The following PRKCB variants were observed in gnomAD, a reference collection of about 807,000 sequenced individuals.
PRKCB encodes the protein protein kinase C beta, also known as protein kinase C beta type.
Under a neutral mutation model 81.5 loss-of-function variants are expected in PRKCB, and 13 were observed. The observed-to-expected ratio is 0.16, with a 90% CI of 0.10 to 0.25. PRKCB has a LOEUF of 0.25. PRKCB is among the 10% of genes least tolerant of loss of function. PRKCB has a pLI of 1.00. For synonymous variants in PRKCB, 335 were observed against 321.4 expected, an observed-to-expected ratio of 1.04 and a Z score of -0.45; for missense variants, 509 against 875.7, an observed-to-expected ratio of 0.58 and a Z score of 5.29.
At position 23,838,437 on chromosome 16, in the gene PRKCB, GT is replaced by G. The variant is rs144191962; in HGVS notation, c.205+1034del. Among the ~76,000 whole-genome samples the G allele has an allele frequency of 4.0e-3, 606 of 152,322 alleles. 1 individual carries two copies. The highest frequency in any genetic ancestry group is 0.014 in the African/African-American group (589 of 41,558). The stretch of plus-strand genomic sequence containing the variant: ...AAGTTTGCAACCTCTCATCTGGAAA[GT>G]TTGTGTGTTATGTTTTCTTTTTAAT... On this transcript the variant is annotated intron_variant, in intron 2 of 16. Transcript: ENST00000643927.
In PRKCB at chr16:24,217,583, G is replaced by T; in HGVS notation, c.*2767G>T. 2 of 985,386 alleles carry T rather than the reference G, an allele frequency of 2.0e-6. No homozygotes were observed. Among genetic ancestry groups the T allele is most frequent in the Non-Finnish European group, 2.4e-6 (2 of 829,952 alleles). 61.0% of individuals were successfully genotyped at this position (985,386 alleles called of 1,614,324 possible). A position where few individuals can be genotyped will look rare whatever the true frequency, so the allele number is the denominator to read the frequency against. ...CCAGGAGTATTTTCTCTGGGGATCT[G>T]CCCACAGGACAAAGTCCATAAAAGC... On this transcript the variant is annotated 3_prime_UTR_variant, in exon 17 of 17. Transcript: ENST00000643927.
At chr16:24,127,650 C>T (rs1217575217) in intron 9 of PRKCB, among the ~76,000 whole-genome samples, 1 of 151,582 alleles carries the variant, frequency 6.6e-6, no homozygotes, top group Non-Finnish European at 1.5e-5. Context: ...TGGGTGGAGT[C>T]GTAGGAGAAT....
In PRKCB at chr16:24,035,411, C is replaced by T; in HGVS notation, c.401-8C>T. The T allele has an allele frequency of 6.2e-7, 1 of 1,613,008 alleles. No individual in the cohort carries two copies. Among genetic ancestry groups the T allele is most frequent in the Middle Eastern group, 1.7e-4 (1 of 5,986 alleles). ...CCTAAGCCACATCCCCTCTCTCTGC[C>T]CTCACAGCCTGCATGATGAATGTGC... is the stretch of plus-strand genomic sequence containing the variant. On this transcript the variant is annotated splice_polypyrimidine_tract_variant and splice_region_variant and intron_variant, in intron 4 of 16. Coordinates refer to ENST00000643927, the MANE Select transcript of PRKCB (RefSeq NM_002738.7).
Position 23,837,517 on chromosome 16 carries a change from T to C in PRKCB, c.205+111T>C, listed in dbSNP as rs1025468568. On this transcript the variant is annotated intron_variant, in intron 2 of 16. Coordinates refer to ENST00000643927, the MANE Select transcript of PRKCB (RefSeq NM_002738.7). ...AGTGAAAGAATCACGTTGGTCGGAG[T>C]GACCTCCCAGGCTAGGAATTCTTCA... 7 of 1,355,704 alleles carry C rather than the reference T, an allele frequency of 5.2e-6. No homozygotes were observed. The African/African-American group carries it at 7.4e-5, about 14-fold the overall frequency. 84.0% of individuals were successfully genotyped at this position (1,355,704 alleles called of 1,614,324 possible). A position where few individuals can be genotyped will look rare whatever the true frequency, so the allele number is the denominator to read the frequency against.
chr16:24,218,859 T>G lies in PRKCB; in HGVS notation c.*4043T>G. On this transcript the variant is annotated 3_prime_UTR_variant, in exon 17 of 17. Coordinates refer to ENST00000643927, the MANE Select transcript of PRKCB (RefSeq NM_002738.7). ...TCTTGTAATAAAACAGCCATGGGGT[T>G]GTCCCTCCAGTCCGAGAGACTGTGA... 1.0e-6 allele frequency: 1 copy of G among 985,322 alleles called. No homozygotes were observed. The highest frequency in any genetic ancestry group is 6.1e-5 in the Admixed American group (1 of 16,266). 61.0% of individuals were successfully genotyped at this position (985,322 alleles called of 1,614,324 possible).
intron 2 of PRKCB, among the ~76,000 whole-genome samples, chr16:23,987,404 G>A (rs988551494): frequency 1.4e-5 from 2 of 139,866 alleles, no homozygotes; most frequent in Non-Finnish European, 3.1e-5. Context: ...GTTGGGGTGG[G>A]GGGGGGTGTG....
chr16:23,886,406 GTTTTTTTTT>G (rs398029038), intron 2 of PRKCB, among the ~76,000 whole-genome samples: 11,004 of 70,396 alleles, frequency 0.16, 602 homozygotes, highest in Middle Eastern at 0.29. Flanking sequence ...TGTGTTAGGT[GTTTTTTTTT>G]TTTTTTTTTT....
At chr16:23,886,927 A>C (rs1281413856) in intron 2 of PRKCB, among the ~76,000 whole-genome samples, 1 of 152,054 alleles carries the variant, frequency 6.6e-6, no homozygotes, top group African/African-American at 2.4e-5. Flanking sequence ...GCTTGGACTT[A>C]AGGAAAGGAA....
chr16:23,881,973 T>C (rs934799531), intron 2 of PRKCB, among the ~76,000 whole-genome samples: 2 of 20,338 alleles, frequency 9.8e-5, no homozygotes, highest in East Asian at 0.033. Flanking sequence ...TTCCTTTCTT[T>C]CTTTCTTTCT....
At chr16:23,912,069 T>C (rs1963666664) in intron 2 of PRKCB, among the ~76,000 whole-genome samples, 1 of 151,910 alleles carries the variant, frequency 6.6e-6, no homozygotes, top group African/African-American at 2.4e-5. Flanking sequence ...TGACCTCAGG[T>C]GATCCACCCA....
intron 2 of PRKCB, among the ~76,000 whole-genome samples, chr16:23,848,397 G>A (rs1318911258): frequency 1.3e-5 from 2 of 152,128 alleles, no homozygotes; most frequent in Admixed American, 6.5e-5. Context: ...GTGCCTTACC[G>A]GAGCACCTCG....
chr16:23,972,642 T>C (rs1385112511), intron 2 of PRKCB, among the ~76,000 whole-genome samples: 1 of 152,182 alleles, frequency 6.6e-6, no homozygotes, highest in South Asian at 2.1e-4. Context: ...GCATCTAGCA[T>C]GATGGTGAGA....
At chr16:24,025,073 G>A (rs1326692538) in intron 3 of PRKCB, among the ~76,000 whole-genome samples, 1 of 152,186 alleles carries the variant, frequency 6.6e-6, no homozygotes, top group African/African-American at 2.4e-5. Context: ...GAGCTCTCCA[G>A]CAGCCTCTAA....
intron 2 of PRKCB, among the ~76,000 whole-genome samples, chr16:23,879,109 C>T (rs1026710270): frequency 4.6e-5 from 7 of 151,634 alleles, no homozygotes; most frequent in African/African-American, 7.3e-5. Flanking sequence ...ACTTGGGACG[C>T]GGAGGTTGCA....
intron 5 of PRKCB, among the ~76,000 whole-genome samples, chr16:24,081,307 T>C (rs144582409): frequency 1.3e-5 from 2 of 151,334 alleles, no homozygotes; most frequent in Admixed American, 1.3e-4. Context: ...ATTAATAATC[T>C]AAAGAAAGAA....
intron 15 of PRKCB, among the ~76,000 whole-genome samples, chr16:24,190,815 C>T (rs1012134149): frequency 2.6e-5 from 4 of 152,072 alleles, no homozygotes; most frequent in African/African-American, 9.7e-5. Flanking sequence ...CTGTGCCTGG[C>T]CCTCATGTGG....
chr16:24,054,570 G>A (rs897124259), intron 5 of PRKCB, among the ~76,000 whole-genome samples: 6 of 152,182 alleles, frequency 3.9e-5, no homozygotes, highest in Admixed American at 3.3e-4. Flanking sequence ...GGGATACTGG[G>A]GAAACCTGTG....
At chr16:24,124,273 A>G (rs773432649) in intron 9 of PRKCB, among the ~76,000 whole-genome samples, 19 of 152,180 alleles carry the variant, frequency 1.2e-4, no homozygotes, top group Non-Finnish European at 2.2e-4. Context: ...AGAAGAGAGC[A>G]AGTGCAAAAG....
chr16:24,170,442 A>G (rs1034159076), intron 10 of PRKCB, among the ~76,000 whole-genome samples: 4 of 152,152 alleles, frequency 2.6e-5, no homozygotes, highest in South Asian at 2.1e-4. Flanking sequence ...GGCTGAGAAC[A>G]TAAGAGGGAC....
Sources: allele counts gnomAD v4.1 joint callset (sites outside exome capture counted in the v4.1 genomes callset), GRCh38; gene constraint gnomAD v4.1.1; transcripts MANE v1.5; gene names NCBI Gene and HGNC (gene_info 2026-07-23, HGNC 2026-07-21).